The following TBC1D19 variants were observed in gnomAD, a reference collection of about 807,000 sequenced individuals.
TBC1D19 encodes TBC1 domain family, member 19.
TBC1D19 carries 60 observed loss-of-function variants against 89.0 expected under a neutral mutation model. The observed-to-expected ratio is 0.67, with a 90% CI of 0.55 to 0.84. TBC1D19 has a LOEUF of 0.84. Ranked by LOEUF, TBC1D19 falls within the 40% of genes least tolerant of loss-of-function variation. The probability of loss-of-function intolerance (pLI) is 0.00; values close to 1 mark genes in which losing one functional copy is unlikely to be tolerated. For missense variants in TBC1D19, 500 were observed against 610.8 expected (o/e 0.82, Z 1.91); for synonymous variants, 189 against 199.7 (o/e 0.95, Z 0.45).
the TBC1D19 span, among the ~76,000 whole-genome samples, chr4:26,846,613 G>A: frequency 6.6e-6 from 1 of 151,998 alleles, no homozygotes; most frequent in Non-Finnish European, 1.5e-5. Context: ...TTATCAGTTT[G>A]TAAATTATAT....
At chr4:26,841,259 T>C in the TBC1D19 span, among the ~76,000 whole-genome samples, 1 of 152,148 alleles carries the variant, frequency 6.6e-6, no homozygotes, top group Middle Eastern at 3.4e-3. Context: ...TGGTGGCGTG[T>C]GCCTGTAGTC....
chr4:26,681,208 T>C (rs928399862), intron 11 of TBC1D19, among the ~76,000 whole-genome samples: 1 of 152,042 alleles, frequency 6.6e-6, no homozygotes, highest in Non-Finnish European at 1.5e-5. Flanking sequence ...ATTTTTTTTC[T>C]GAGATTAGTC....
intron 11 of TBC1D19, among the ~76,000 whole-genome samples, chr4:26,676,221 A>G (rs1194916297): frequency 2.0e-5 from 3 of 152,158 alleles, no homozygotes; most frequent in African/African-American, 7.2e-5. Flanking sequence ...TTTTGTGGTC[A>G]GCTCACTTAG....
At chr4:26,779,590 T>G in the TBC1D19 span, among the ~76,000 whole-genome samples, 3 of 152,240 alleles carry the variant, frequency 2.0e-5, no homozygotes, top group Admixed American at 6.5e-5. Flanking sequence ...ACTTGCTTGG[T>G]CTGCTGTGTG....
At chr4:26,809,860 G>A in the TBC1D19 span, among the ~76,000 whole-genome samples, 1 of 152,174 alleles carries the variant, frequency 6.6e-6, no homozygotes, top group Non-Finnish European at 1.5e-5. Flanking sequence ...TTACGGTCCT[G>A]ACTCTCATAG....
chr4:26,758,704 A>G (rs866216181), downstream of TBC1D19, among the ~76,000 whole-genome samples: 1 of 152,196 alleles, frequency 6.6e-6, no homozygotes, highest in Non-Finnish European at 1.5e-5. Flanking sequence ...GTTGATCCCC[A>G]GATCGTGCTG....
chr4:26,757,355 A>G (rs929133286), downstream of TBC1D19, among the ~76,000 whole-genome samples: 1 of 151,946 alleles, frequency 6.6e-6, no homozygotes, highest in Non-Finnish European at 1.5e-5. Context: ...AGGCTCCTTC[A>G]TTTGGCTTTC....
the TBC1D19 span, among the ~76,000 whole-genome samples, chr4:26,770,836 T>C: frequency 6.6e-6 from 1 of 152,142 alleles, no homozygotes; most frequent in Non-Finnish European, 1.5e-5. Context: ...CTTGAACTAT[T>C]GAGGATACTA....
intron 9 of TBC1D19, among the ~76,000 whole-genome samples, chr4:26,670,633 T>G (rs1457920665): frequency 2.0e-5 from 3 of 151,726 alleles, no homozygotes; most frequent in Admixed American, 2.0e-4. Flanking sequence ...GATCAGTGAA[T>G]TTTTACAAAG....
chr4:26,699,188 A>G (rs1248339446), intron 13 of TBC1D19, among the ~76,000 whole-genome samples: 2 of 152,234 alleles, frequency 1.3e-5, no homozygotes, highest in Non-Finnish European at 2.9e-5. Flanking sequence ...CAACCCCATC[A>G]AAAAGTGGGT....
chr4:26,621,804 T>C (rs1742065589), intron 4 of TBC1D19, among the ~76,000 whole-genome samples: 1 of 152,162 alleles, frequency 6.6e-6, no homozygotes, highest in Non-Finnish European at 1.5e-5. Context: ...TATGAAAGAA[T>C]TGTGGGTTTT....
At position 26,741,512 on chromosome 4, in the gene TBC1D19, G is replaced by T. The variant is rs893588837; in HGVS notation, c.1228-996G>T. On this transcript the variant is annotated intron_variant, in intron 17 of 20. Transcript: ENST00000264866. ...AGCACACACCCATGGTGTTCTCCCT[G>T]TGCAGAGCACTGAAGCCTGGCACTG... is the stretch of plus-strand genomic sequence containing the variant. 5.3e-5 allele frequency among the ~76,000 whole-genome samples: 8 copies of T among 151,706 alleles called. 1 individual carries two copies. The highest frequency in any genetic ancestry group is 3.9e-4 in the Admixed American group (6 of 15,210).
chr4:26,769,360 A>G, the TBC1D19 span, among the ~76,000 whole-genome samples: 2 of 152,114 alleles, frequency 1.3e-5, no homozygotes, highest in Non-Finnish European at 2.9e-5. Context: ...AAGAATGAAG[A>G]GCACTAGAAA....
the TBC1D19 span, among the ~76,000 whole-genome samples, chr4:26,817,970 A>T: frequency 2.9e-3 from 225 of 77,464 alleles, 2 homozygotes; most frequent in African/African-American, 0.015. Flanking sequence ...ACTCCATTTA[A>T]AAAAAAAAAA....
intron 13 of TBC1D19, among the ~76,000 whole-genome samples, chr4:26,697,443 G>A (rs1206011197): frequency 1.3e-5 from 2 of 152,158 alleles, no homozygotes; most frequent in Non-Finnish European, 2.9e-5. Flanking sequence ...ACAAGGAGGA[G>A]CTGGTACCAT....
the TBC1D19 span, among the ~76,000 whole-genome samples, chr4:26,761,902 G>A: frequency 6.6e-6 from 1 of 152,104 alleles, no homozygotes; most frequent in African/African-American, 2.4e-5. Context: ...TGAGGTGGGC[G>A]GATCACTTGA....
rs147208242 is a variant in TBC1D19, at chr4:26,713,474, G to A, written c.955-4459G>A. Among the ~76,000 whole-genome samples, 137 of 151,830 alleles carry A rather than the reference G, an allele frequency of 9.0e-4. No homozygotes were observed. The Middle Eastern group carries it at 0.017, about 19-fold the overall frequency. On this transcript the variant is annotated intron_variant, in intron 13 of 20. Transcript: ENST00000264866. ...ACTAGAGATGTTCCCACTAAAGGAA[G>A]GAAAGAACATATCATTTTGGAATTT...
intron 13 of TBC1D19, among the ~76,000 whole-genome samples, chr4:26,706,705 A>G (rs1715763295): frequency 6.6e-6 from 1 of 152,070 alleles, no homozygotes; most frequent in African/African-American, 2.4e-5. Context: ...CTCTCACTGA[A>G]TCCCGTAAGT....
intron 9 of TBC1D19, 60 bp from the exon 10 acceptor site, chr4:26,672,089 G>A (rs978762413): frequency 1.2e-6 from 1 of 805,466 alleles, no homozygotes; most frequent in African/African-American, 1.8e-5. Context: ...ATCTAATGTT[G>A]TTCTAAATGT....
Sources: gnomAD v4.1 joint callset for allele counts (sites outside exome capture counted in the v4.1 genomes callset) on GRCh38, gnomAD v4.1.1 for gene constraint, MANE v1.5 for transcripts, NCBI Gene and HGNC (gene_info 2026-07-23, HGNC 2026-07-21) for gene names.